The following USP13 variants were observed in gnomAD, a reference collection of about 807,000 sequenced individuals.
The protein encoded by USP13 is ubiquitin carboxyl-terminal hydrolase 13.
A neutral mutation model predicts 107.8 loss-of-function variants in USP13; 68 were observed. That is an observed-to-expected ratio of 0.63 (90% CI 0.52 to 0.77). USP13 has a LOEUF of 0.77. USP13 is among the 30% of genes least tolerant of loss of function. USP13 has a pLI of 0.00. For synonymous variants in USP13, 377 were observed against 389.5 expected, an observed-to-expected ratio of 0.97 and a Z score of 0.38; for missense variants, 945 against 1,093.3, an observed-to-expected ratio of 0.86 and a Z score of 1.91.
rs752502848 is a variant in USP13, at chr3:179,707,007, A to G, written c.551A>G (p.Asn184Ser). ...AAGCAGGACCCAGACACGTGGGAAA[A>G]TGAATTGCCAGTATCTAAATATGCC... is the stretch of plus-strand genomic sequence containing the variant. ...YRKQDPDTWE[N>S]ELPVSKYANN... Residue 184 changes from asparagine to serine, a missense_variant, in exon 5 of 21, where the codon AAT becomes AGT. By Grantham distance (46) the Asn-to-Ser change is conservative. Coordinates refer to ENST00000263966, the MANE Select transcript of USP13 (RefSeq NM_003940.3). 1 of 1,614,174 alleles carries G rather than the reference A, an allele frequency of 6.2e-7. No individual in the cohort carries two copies. Among genetic ancestry groups the G allele is most frequent in the Non-Finnish European group, 8.5e-7 (1 of 1,180,020 alleles).
At chr3:179,692,008 T>C (rs1248519206) in intron 3 of USP13, among the ~76,000 whole-genome samples, 3 of 152,260 alleles carry the variant, frequency 2.0e-5, no homozygotes, top group African/African-American at 7.2e-5. Context: ...AAAAATCCTA[T>C]ACATACATAT....
chr3:179,783,038 C>T (rs1348736973), intron 20 of USP13, among the ~76,000 whole-genome samples: 3 of 152,152 alleles, frequency 2.0e-5, no homozygotes, highest in East Asian at 3.8e-4. Context: ...AGTCACCGCA[C>T]CCGGCTGGGA....
rs759502983 is a variant in USP13, at chr3:179,706,999, G to A, written c.543G>A (p.Thr181=). 5.6e-6 allele frequency: 9 copies of A among 1,614,106 alleles called. No individual in the cohort carries two copies. Among genetic ancestry groups the A allele is most frequent in the Admixed American group, 3.3e-5 (2 of 60,022 alleles). The change falls in exon 5 of 21, where the codon ACG becomes ACA. Residue 181 remains threonine (T), a synonymous_variant. Coordinates refer to ENST00000263966, the MANE Select transcript of USP13 (RefSeq NM_003940.3). ...KSPYRKQDPD[T]WENELPVSKY... The stretch of plus-strand genomic sequence containing the variant: ...CATACAGAAAGCAGGACCCAGACAC[G>A]TGGGAAAATGAATTGCCAGTATCTA...
At chr3:179,683,636 C>T (rs544710679) in intron 2 of USP13, among the ~76,000 whole-genome samples, 1 of 152,290 alleles carries the variant, frequency 6.6e-6, no homozygotes, top group South Asian at 2.1e-4. Context: ...GAGAACAGTG[C>T]AGGAAAGACC....
chr3:179,680,125 ATCCT>A (rs1560045996), intron 1 of USP13, among the ~76,000 whole-genome samples: 1 of 151,960 alleles, frequency 6.6e-6, no homozygotes, highest in African/African-American at 2.4e-5. Context: ...GTGAGCCGGG[ATCCT>A]GCCATTACAC....
chr3:179,750,326 G>GTGTATATATATATATATATATATATATA (rs1553797370), intron 13 of USP13, among the ~76,000 whole-genome samples: 1 of 75,828 alleles, frequency 1.3e-5, no homozygotes, highest in African/African-American at 3.9e-5. Flanking sequence ...ATATATGTGT[G>GTGTATATATATATATATATATATATATA]TATATATATA....
chr3:179,670,630 T>C (rs901928693), intron 1 of USP13, among the ~76,000 whole-genome samples: 1 of 152,194 alleles, frequency 6.6e-6, no homozygotes, highest in Non-Finnish European at 1.5e-5. Context: ...AATCTCAAGA[T>C]ATTCTCTTAT....
At chr3:179,750,114 A>C (rs987333053) in intron 13 of USP13, among the ~76,000 whole-genome samples, 1 of 151,618 alleles carries the variant, frequency 6.6e-6, no homozygotes, top group African/African-American at 2.4e-5. Flanking sequence ...AAAATACAAA[A>C]ATTAGCTGGG....
At chr3:179,682,027 C>G in intron 2 of USP13, 24 bp downstream of exon 2, 1 of 1,608,054 alleles carries the variant, frequency 6.2e-7, no homozygotes, top group Non-Finnish European at 8.5e-7. Flanking sequence ...TTTCAGAGAA[C>G]TGGCCTTGAT....
Position 179,730,685 on chromosome 3 carries a change from A to G in USP13, c.1230A>G (p.Glu410=). The stretch of plus-strand genomic sequence containing the variant: ...CTCCGGTGAAATCTGAACTCATTGA[A>G]CAGGTGATGAAGGAGGAGCACAAGG... ...SKPPVKSELI[E]QVMKEEHKPQ... is the part of the protein sequence containing the mutation. The change falls in exon 10 of 21, where the codon GAA becomes GAG. Residue 410 remains glutamate, a synonymous_variant. Coordinates refer to ENST00000263966, the MANE Select transcript of USP13 (RefSeq NM_003940.3). 6.2e-7 allele frequency: 1 copy of G among 1,614,144 alleles called. No homozygotes were observed. The highest frequency in any genetic ancestry group is 1.1e-5 in the South Asian group (1 of 91,062).
chr3:179,723,098 T>C (rs1196767898), intron 8 of USP13, among the ~76,000 whole-genome samples: 1 of 152,192 alleles, frequency 6.6e-6, no homozygotes, highest in Non-Finnish European at 1.5e-5. Context: ...AGGACATATA[T>C]GTGCTGAGGC....
intron 19 of USP13, among the ~76,000 whole-genome samples, chr3:179,769,746 G>A (rs944364169): frequency 1.3e-5 from 2 of 152,160 alleles, no homozygotes; most frequent in African/African-American, 4.8e-5. Flanking sequence ...TCAATTCACA[G>A]AAGTACAGCA....
At chr3:179,722,520 AG>A (rs1158795474) in intron 8 of USP13, among the ~76,000 whole-genome samples, 1 of 152,124 alleles carries the variant, frequency 6.6e-6, no homozygotes, top group African/African-American at 2.4e-5. Flanking sequence ...GGTACATAAC[AG>A]GTGTATATAT....
At chr3:179,737,741 C>T (rs1408462627) in intron 10 of USP13, among the ~76,000 whole-genome samples, 1 of 152,144 alleles carries the variant, frequency 6.6e-6, no homozygotes, top group Non-Finnish European at 1.5e-5. Context: ...TTGAGAGCTA[C>T]CAGTGGTGTT....
chr3:179,660,385 C>T (rs990288792), intron 1 of USP13, among the ~76,000 whole-genome samples: 3 of 152,170 alleles, frequency 2.0e-5, no homozygotes, highest in Admixed American at 1.3e-4. Context: ...CAGTATTTGT[C>T]CTTTCGTGTC....
intron 1 of USP13, among the ~76,000 whole-genome samples, chr3:179,662,193 C>T (rs1275052146): frequency 1.3e-5 from 2 of 150,240 alleles, no homozygotes; most frequent in Non-Finnish European, 2.9e-5. Flanking sequence ...TGCCTCTATT[C>T]TTAACTAAGC....
intron 2 of USP13, among the ~76,000 whole-genome samples, chr3:179,683,287 G>A (rs1711732889): frequency 6.6e-6 from 1 of 151,444 alleles, no homozygotes; most frequent in South Asian, 2.1e-4. Context: ...GAAGTTGTAA[G>A]TTTTGAATTA....
At chr3:179,696,034 C>T (rs1264565823) in intron 3 of USP13, among the ~76,000 whole-genome samples, 1 of 152,120 alleles carries the variant, frequency 6.6e-6, no homozygotes, top group Non-Finnish European at 1.5e-5. Context: ...CCAATAACTC[C>T]ATATCTTTGT....
intron 2 of USP13, among the ~76,000 whole-genome samples, chr3:179,687,083 A>G (rs1309443885): frequency 6.6e-6 from 1 of 152,148 alleles, no homozygotes; most frequent in African/African-American, 2.4e-5. Context: ...ATTCAAATTA[A>G]TATCTCTCTG....
Sources: gnomAD v4.1 joint callset for allele counts (sites outside exome capture counted in the v4.1 genomes callset) on GRCh38, gnomAD v4.1.1 for gene constraint, MANE v1.5 for transcripts, NCBI Gene and HGNC (gene_info 2026-07-23, HGNC 2026-07-21) for gene names.